The following ZNF543 variants were observed in gnomAD, a reference collection of about 807,000 sequenced individuals.
The protein encoded by ZNF543 is zinc finger protein 543.
Under a neutral mutation model 13.4 loss-of-function variants are expected in ZNF543, and 10 were observed. The ratio of observed to expected loss-of-function variants is 0.75; its 90% CI spans 0.46 to 1.26. The LOEUF is 1.26. Among genes scored for constraint, ZNF543 ranks in the 50% most tolerant of loss-of-function variants. The probability of loss-of-function intolerance (pLI) is 0.00; values close to 1 mark genes in which losing one functional copy is unlikely to be tolerated. For synonymous variants in ZNF543, 272 were observed against 264.7 expected (o/e 1.03, Z -0.27); for missense variants, 768 against 741.2 (o/e 1.04, Z -0.42).
chr19:57,326,315 C>T (rs369214112), intron 2 of ZNF543, among the ~76,000 whole-genome samples: 8 of 152,054 alleles, frequency 5.3e-5, no homozygotes, highest in African/African-American at 1.9e-4. Flanking sequence ...CAGGTACCCG[C>T]CACCACACCT....
At chr19:57,321,768 G>A (rs185877066) in intron 1 of ZNF543, among the ~76,000 whole-genome samples, 2 of 152,208 alleles carry the variant, frequency 1.3e-5, no homozygotes, top group African/African-American at 2.4e-5. Flanking sequence ...TTCTTTGCCC[G>A]CAATGGTTAG....
At chr19:57,323,476 G>A in intron 1 of ZNF543, 3 of 575,234 alleles carry the variant, frequency 5.2e-6, no homozygotes, top group East Asian at 9.2e-5. Flanking sequence ...ACAGGCGTGA[G>A]CCACCGCGCC....
intron 2 of ZNF543, among the ~76,000 whole-genome samples, chr19:57,324,821 A>T (rs1427940868): frequency 1.3e-5 from 2 of 149,358 alleles, no homozygotes; most frequent in African/African-American, 4.9e-5. Context: ...GTAAAAAAAA[A>T]GCCTTAGGTC....
chr19:57,329,047 CA>C lies in ZNF543; in HGVS notation c.1586del (p.His529ProfsTer37). 6.2e-7 allele frequency: 1 copy of C among 1,614,192 alleles called. No homozygotes were observed. The highest frequency in any genetic ancestry group is 8.5e-7 in the Non-Finnish European group (1 of 1,180,042). ...AAACCTTATTCGACACTCCATCATT[CA>C]CACTGGAGAGAAGCCGTATGAATGC... Reference protein sequence around the residue: ...SANLIRHSIIHTGEKPYECSE... With the variant: ...SANLIRHSIIXTGEKPYECSE... On this transcript the variant is annotated frameshift_variant, in exon 4 of 4. Transcript: ENST00000321545. LOFTEE classifies it low-confidence loss of function (END_TRUNC).
Position 57,329,246 on chromosome 19 carries a change from C to A in ZNF543, c.1784C>A (p.Thr595Asn), listed in dbSNP as rs2088147411. 1 of 1,605,232 alleles carries A rather than the reference C, an allele frequency of 6.2e-7. No individual in the cohort carries two copies. The highest frequency in any genetic ancestry group is 2.2e-5 in the East Asian group (1 of 44,702). The change falls in exon 4 of 4, where the codon ACT becomes AAT. Residue 595 changes from threonine to asparagine, a missense_variant. By Grantham distance (65) the Thr-to-Asn change is moderately conservative. This residue lies in a region of ZNF543 where 677 missense variants were observed against 631.4 expected (regional missense o/e 1.07). Transcript: ENST00000321545. ...GGGAAAGAGTTTTTGAATATCACCA[C>A]TGAAGAAAATCTGTGGTGAAAGGGA... ...LLGKEFLNIT[T>N]EENLW
chr19:57,326,044 A>C (rs569215073), intron 2 of ZNF543, among the ~76,000 whole-genome samples: 1 of 152,316 alleles, frequency 6.6e-6, no homozygotes, highest in Admixed American at 6.5e-5. Flanking sequence ...TTCTACTGCC[A>C]TGGGGACTAA....
In ZNF543 at chr19:57,328,868, A is replaced by C; in HGVS notation, c.1406A>C (p.His469Pro). Residue 469 changes from histidine to proline, a missense_variant, in exon 4 of 4, where the codon CAC becomes CCC. Physicochemically the swap from His to Pro is moderately conservative, Grantham distance 77. Transcript: ENST00000321545. The part of the protein sequence containing the change: ...AFSDRADLIR[H>P]FSIHTGEKPY... The stretch of plus-strand genomic sequence containing the variant: ...AGTGATAGGGCAGACCTCATTCGCC[A>C]CTTCAGCATCCACACTGGAGAGAAA... The C allele has an allele frequency of 6.2e-7, 1 of 1,614,034 alleles. No homozygotes were observed.
chr19:57,324,111 G>A (rs899875268), intron 2 of ZNF543, among the ~76,000 whole-genome samples: 1 of 152,128 alleles, frequency 6.6e-6, no homozygotes, highest in Non-Finnish European at 1.5e-5. Context: ...CAGCACTTTG[G>A]GAGGCCGACG....
chr19:57,328,553 T>G lies in ZNF543; in HGVS notation c.1091T>G (p.Val364Gly). 6.3e-7 allele frequency: 1 copy of G among 1,598,734 alleles called. No individual in the cohort carries two copies. The highest frequency in any genetic ancestry group is 8.5e-7 in the Non-Finnish European group (1 of 1,174,336). Residue 364 changes from valine (V) to glycine (G), a missense_variant, in exon 4 of 4, where the codon GTG becomes GGG. By Grantham distance (109) the Val-to-Gly change is moderately radical. This residue lies in a region of ZNF543 where 677 missense variants were observed against 631.4 expected (regional missense o/e 1.07). Transcript: ENST00000321545. ...TGGCACCAACAGATTCACACTGGAG[T>G]GAAACCCTTTGAATGCAACGAGTGT... ...LTWHQQIHTG[V>G]KPFECNECGK...
rs1425189377 is a variant in ZNF543, at chr19:57,320,909, T to C, written c.18+38T>C. 4 of 1,613,792 alleles carry C rather than the reference T, an allele frequency of 2.5e-6. No individual in the cohort carries two copies. The Admixed American group carries it at 5.0e-5, about 20-fold the overall frequency. On this transcript the variant is annotated intron_variant, in intron 1 of 3. Transcript: ENST00000321545. The stretch of plus-strand genomic sequence containing the variant: ...GGTTTTGGCCTTGCTGCTGCTCTGC[T>C]ACTTCTGGAGGCCTCGTGGGCAGGC...
rs1193834002 is a variant in ZNF543, at chr19:57,328,434, A to T, written c.972A>T (p.Pro324=). The change falls in exon 4 of 4, where the codon CCA becomes CCT. Residue 324 remains proline, a synonymous_variant. Transcript: ENST00000321545. ...KECGKAFRDR[P]GFIRHYIIHT... ...GTGGCAAAGCCTTTCGAGATAGGCC[A>T]GGTTTCATTCGACACTACATCATCC... The T allele has an allele frequency of 6.2e-7, 1 of 1,611,722 alleles. No homozygotes were observed. The highest frequency in any genetic ancestry group is 8.5e-7 in the Non-Finnish European group (1 of 1,179,528).
At chr19:57,326,595 C>G in intron 2 of ZNF543, 38 bp from the exon 3 acceptor site, 6 of 1,537,656 alleles carry the variant, frequency 3.9e-6, no homozygotes, top group Non-Finnish European at 5.4e-6. Flanking sequence ...TTTCTTCTAA[C>G]CTAACTCCCT....
intron 2 of ZNF543, among the ~76,000 whole-genome samples, chr19:57,325,388 T>C (rs562383164): frequency 5.8e-4 from 89 of 152,330 alleles, no homozygotes; most frequent in African/African-American, 2.1e-3. Context: ...AGAGTACTTA[T>C]GTCTTTTACC....
rs1384137572 is a variant in ZNF543, at chr19:57,326,742, G to A, written c.241+14G>A. On this transcript the variant is annotated intron_variant, in intron 3 of 3. Coordinates refer to ENST00000321545, the MANE Select transcript of ZNF543 (RefSeq NM_213598.4). ...GCTCCTATCCAGGTAGGAGCCAACA[G>A]CTGGGAAGGTGGGGGTCATGGCAGC... The A allele has an allele frequency of 2.5e-6, 4 of 1,608,764 alleles. No homozygotes were observed. The South Asian group carries it at 4.4e-5, about 18-fold the overall frequency.
intron 2 of ZNF543, among the ~76,000 whole-genome samples, chr19:57,324,646 C>T (rs1217437358): frequency 2.0e-5 from 3 of 152,206 alleles, no homozygotes; most frequent in Non-Finnish European, 4.4e-5. Context: ...TTCGCCATTT[C>T]CCAGATTTTG....
intron 2 of ZNF543, among the ~76,000 whole-genome samples, chr19:57,325,712 C>T (rs975534729): frequency 1.8e-4 from 28 of 152,106 alleles, no homozygotes; most frequent in Admixed American, 7.9e-4. Flanking sequence ...ACACCACACC[C>T]GGCTACTTTT....
chr19:57,320,573 G>A lies in ZNF543; in HGVS notation c.-281G>A. 4.1e-6 allele frequency: 2 copies of A among 486,006 alleles called. No individual in the cohort carries two copies. The highest frequency in any genetic ancestry group is 4.7e-5 in the South Asian group (2 of 42,476). 30.1% of individuals were successfully genotyped at this position (486,006 alleles called of 1,614,324 possible). A position where few individuals can be genotyped will look rare whatever the true frequency, so the allele number is the denominator to read the frequency against. ...AGCGGCCTGAGCAGGGGAGGGTAAT[G>A]AGGCTGTTACGCGCCTTCTCCGCAT... On this transcript the variant is annotated 5_prime_UTR_variant, in exon 1 of 4. It removes an upstream start codon present in the reference 5' UTR. Transcript: ENST00000321545.
intron 1 of ZNF543, 199 bp from the exon 2 acceptor site, chr19:57,323,483 C>A: frequency 1.6e-6 from 1 of 632,196 alleles, no homozygotes; most frequent in Non-Finnish European, 2.8e-6. Context: ...TGAGCCACCG[C>A]GCCTGACCGA....
chr19:57,329,468 G>C lies in ZNF543; in HGVS notation c.*203G>C. ...TGCTATGCACTTAGGAAAACTTTCA[G>C]CCACATCTTTCTTCTTAGTTTACAG... On this transcript the variant is annotated 3_prime_UTR_variant, in exon 4 of 4. Coordinates refer to ENST00000321545, the MANE Select transcript of ZNF543 (RefSeq NM_213598.4). 1 of 561,514 alleles carries C rather than the reference G, an allele frequency of 1.8e-6. No homozygotes were observed. Among genetic ancestry groups the C allele is most frequent in the Non-Finnish European group, 3.0e-6 (1 of 338,780 alleles). The allele number at this position is 561,514 out of a possible 1,614,324, so 34.8% of individuals were successfully genotyped here.
Sources: gnomAD v4.1 joint callset for allele counts (sites outside exome capture counted in the v4.1 genomes callset) on GRCh38, gnomAD v4.1.1 for gene constraint, gnomAD v4.1.1 regional missense constraint, MANE v1.5 for transcripts, NCBI Gene and HGNC (gene_info 2026-07-23, HGNC 2026-07-21) for gene names.